ARHGEF4: variants seen among roughly 807,000 people sequenced by gnomAD.
ARHGEF4 encodes the protein Rho guanine nucleotide exchange factor 4.
A neutral mutation model predicts 162.0 loss-of-function variants in ARHGEF4; 119 were observed. The ratio of observed to expected loss-of-function variants is 0.73; its 90% CI spans 0.63 to 0.86. The LOEUF (loss-of-function observed/expected upper bound fraction) is 0.86. Ranked by LOEUF, ARHGEF4 falls within the 40% of genes least tolerant of loss-of-function variation. The probability of loss-of-function intolerance (pLI) is 0.00; values close to 1 mark genes in which losing one functional copy is unlikely to be tolerated. For missense variants in ARHGEF4, 2,488 were observed against 2,456.0 expected, an observed-to-expected ratio of 1.01 and a Z score of -0.28; for synonymous variants, 1,014 against 979.9, an observed-to-expected ratio of 1.03 and a Z score of -0.65.
intron 1 of ARHGEF4, among the ~76,000 whole-genome samples, chr2:130,901,356 G>C (rs1476415173): frequency 6.6e-6 from 1 of 152,088 alleles, no homozygotes; most frequent in African/African-American, 2.4e-5. Context: ...GGGATCTGTT[G>C]TTGTCGCTGA....
chr2:130,976,838 A>G (rs1377238030), intron 4 of ARHGEF4, among the ~76,000 whole-genome samples: 5 of 151,726 alleles, frequency 3.3e-5, no homozygotes, highest in African/African-American at 1.2e-4. Flanking sequence ...TGCATTGTGT[A>G]TGTTTGGCGT....
chr2:130,969,907 G>A (rs1685250269), intron 4 of ARHGEF4, among the ~76,000 whole-genome samples: 1 of 152,068 alleles, frequency 6.6e-6, no homozygotes, highest in Non-Finnish European at 1.5e-5. Flanking sequence ...CTTTTGACTG[G>A]CTTCTTTAAC....
In ARHGEF4 at chr2:131,011,550, A is replaced by G. The variant is rs970992070; in HGVS notation, c.3986-16395A>G. 5.9e-6 allele frequency: 8 copies of G among 1,348,772 alleles called. No homozygotes were observed. In the African/African-American group the frequency reaches 1.2e-4, roughly 20 times the overall value. The allele number at this position is 1,348,772 out of a possible 1,614,324, so 83.6% of individuals were successfully genotyped here. On this transcript the variant is annotated intron_variant, in intron 4 of 13. Coordinates refer to ENST00000409359, the MANE Select transcript of ARHGEF4 (RefSeq NM_001367493.1). ...TCCCGTGAATATCAGGACCTCAAGCATGTGCTTCCATATCAGCCACTTTGG... is the reference window on the plus strand; with the variant it reads ...TCCCGTGAATATCAGGACCTCAAGCGTGTGCTTCCATATCAGCCACTTTGG...
chr2:130,866,193 A>C (rs1453939616), intron 1 of ARHGEF4, among the ~76,000 whole-genome samples: 3 of 152,170 alleles, frequency 2.0e-5, no homozygotes, highest in Non-Finnish European at 4.4e-5. Flanking sequence ...CAGCACAGCA[A>C]GGCCACATCT....
intron 5 of ARHGEF4, among the ~76,000 whole-genome samples, chr2:131,034,100 G>C (rs890847830): frequency 5.3e-5 from 8 of 152,150 alleles, no homozygotes; most frequent in South Asian, 2.1e-4. Flanking sequence ...GCCACACACA[G>C]AGAGATCAGA....
intron 2 of ARHGEF4, among the ~76,000 whole-genome samples, chr2:130,918,390 G>C (rs1681655323): frequency 6.6e-6 from 1 of 152,212 alleles, no homozygotes; most frequent in South Asian, 2.1e-4. Context: ...GCTGCCCTTG[G>C]AAGGAGAGAG....
chr2:130,935,931 G>T (rs1558741563), intron 3 of ARHGEF4, among the ~76,000 whole-genome samples: 1 of 152,222 alleles, frequency 6.6e-6, no homozygotes, highest in South Asian at 2.1e-4. Flanking sequence ...TGGGCGTGGT[G>T]GTGCATGCCT....
Position 130,914,699 on chromosome 2 carries a change from G to A in ARHGEF4, c.753G>A (p.Leu251=), listed in dbSNP as rs542153316. The change falls in exon 2 of 14, where the codon CTG becomes CTA. Residue 251 remains leucine, a synonymous_variant. Transcript: ENST00000409359. ...WPHIHNRARA[L]VLPSRGPLDN... ...ATATCCACAACAGGGCCAGGGCACTGGTGCTACCTAGCAGAGGCCCACTGG... is the reference window on the plus strand; with the variant it reads ...ATATCCACAACAGGGCCAGGGCACTAGTGCTACCTAGCAGAGGCCCACTGG... 580 of 1,393,634 alleles carry A rather than the reference G, an allele frequency of 4.2e-4. 2 individuals carry two copies. Among genetic ancestry groups the A allele is most frequent in the African/African-American group, 3.6e-3 (252 of 69,178 alleles). The allele number at this position is 1,393,634 out of a possible 1,614,324, so 86.3% of individuals were successfully genotyped here.
At chr2:130,977,543 A>G (rs1558797127) in intron 4 of ARHGEF4, among the ~76,000 whole-genome samples, 2 of 150,848 alleles carry the variant, frequency 1.3e-5, no homozygotes, top group Non-Finnish European at 3.0e-5. Context: ...CATTGTGTGT[A>G]TGTTCTGGGT....
chr2:130,914,412 C>G lies in ARHGEF4; in HGVS notation c.466C>G (p.Gln156Glu). The change falls in exon 2 of 14, where the codon CAG becomes GAG. Residue 156 changes from glutamine to glutamate, a missense_variant. Gln to Glu is a conservative substitution (Grantham distance 29, BLOSUM62 2). This residue lies in a region of ARHGEF4 where 81 missense variants were observed against 125.8 expected (regional missense o/e 0.64). Transcript: ENST00000409359. ...WRAFATVAGE[Q>E]EAGHLWDCAT... The stretch of plus-strand genomic sequence containing the variant: ...AGCCTTTGCCACAGTTGCTGGAGAA[C>G]AGGAGGCAGGACACCTCTGGGACTG... 1 of 1,443,102 alleles carries G rather than the reference C, an allele frequency of 6.9e-7. No individual in the cohort carries two copies. Among genetic ancestry groups the G allele is most frequent in the Admixed American group, 2.7e-5 (1 of 36,518 alleles). 89.4% of individuals were successfully genotyped at this position (1,443,102 alleles called of 1,614,324 possible).
At chr2:130,907,229 T>C (rs1680870007) in intron 1 of ARHGEF4, among the ~76,000 whole-genome samples, 1 of 33,778 alleles carries the variant, frequency 3.0e-5, no homozygotes, top group East Asian at 1.8e-3. Flanking sequence ...TTTTTTTTTT[T>C]TGAGACAGAG....
rs1433411557 is a variant in ARHGEF4 at position 130,869,958 on chromosome 2, C to T, written c.39+32966C>T. On this transcript the variant is annotated intron_variant, in intron 1 of 13. Transcript: ENST00000409359. The stretch of plus-strand genomic sequence containing the variant: ...CCTCCGTGGAACCCGGTGTGGCCAG[C>T]GGGACCCGCTGAGCTCTCAGGCTGG... Among the ~76,000 whole-genome samples, 6 of 152,314 alleles carry T rather than the reference C, an allele frequency of 3.9e-5. No individual in the cohort carries two copies. The South Asian group carries it at 6.2e-4, about 16-fold the overall frequency.
At chr2:130,903,247 C>CTT (rs59665239) in intron 1 of ARHGEF4, among the ~76,000 whole-genome samples, 20 of 143,740 alleles carry the variant, frequency 1.4e-4, no homozygotes, top group South Asian at 2.2e-4. Context: ...TTTATCTTGA[C>CTT]TTTTTTTTTT....
intron 4 of ARHGEF4, among the ~76,000 whole-genome samples, chr2:130,958,938 TTTTC>T (rs1226430343): frequency 2.0e-5 from 3 of 151,242 alleles, no homozygotes; most frequent in Non-Finnish European, 4.4e-5. Flanking sequence ...GATACATTTC[TTTTC>T]TTTCTTTTTT....
intron 10 of ARHGEF4, 32 bp downstream of exon 10, chr2:131,041,976 A>T (rs369532911): frequency 6.2e-7 from 1 of 1,605,938 alleles, no homozygotes; most frequent in Non-Finnish European, 8.5e-7. Context: ...AAATTCCAGG[A>T]GGTCTTGGCC....
intron 4 of ARHGEF4, among the ~76,000 whole-genome samples, chr2:130,998,378 CTA>C (rs986106155): frequency 6.6e-6 from 1 of 152,062 alleles, no homozygotes; most frequent in Non-Finnish European, 1.5e-5. Flanking sequence ...TGTTTATATC[CTA>C]TGAGATTTGA....
intron 1 of ARHGEF4, among the ~76,000 whole-genome samples, chr2:130,893,996 A>G (rs1007957006): frequency 5.3e-5 from 8 of 152,156 alleles, no homozygotes; most frequent in African/African-American, 1.9e-4. Context: ...CCCTTCCCCC[A>G]GGGTCTGAAG....
In ARHGEF4 at chr2:131,041,275, A is replaced by G; in HGVS notation, c.4708A>G (p.Asn1570Asp). Residue 1570 changes from asparagine to aspartate, a missense_variant, in exon 9 of 14, where the codon AAC (asparagine) becomes GAC (aspartate). By Grantham distance (23) the Asn-to-Asp change is conservative (BLOSUM62 1). Transcript: ENST00000409359. Reference protein sequence around the residue: ...IYSEYCNNHPNACVELSRLTK... With the variant: ...IYSEYCNNHPDACVELSRLTK... ...CTCGGAGTACTGCAATAACCACCCCAACGCCTGCGTGGAGCTCTCCCGGCT... is the reference window on the plus strand; with the variant it reads ...CTCGGAGTACTGCAATAACCACCCCGACGCCTGCGTGGAGCTCTCCCGGCT... 1 of 1,613,790 alleles carries G rather than the reference A, an allele frequency of 6.2e-7. No individual in the cohort carries two copies. The highest frequency in any genetic ancestry group is 1.1e-5 in the South Asian group (1 of 91,080).
intron 4 of ARHGEF4, among the ~76,000 whole-genome samples, chr2:130,969,354 T>C (rs1335749069): frequency 6.6e-6 from 1 of 152,054 alleles, no homozygotes; most frequent in Non-Finnish European, 1.5e-5. Flanking sequence ...CCCCAGCACT[T>C]TGGGAGGCCG....
Sources: allele counts gnomAD v4.1 joint callset (sites outside exome capture counted in the v4.1 genomes callset), GRCh38; gene constraint gnomAD v4.1.1; regional missense constraint gnomAD v4.1.1; transcripts MANE v1.5; gene names NCBI Gene and HGNC (gene_info 2026-07-23, HGNC 2026-07-21).